Variants in NUDT2 observed in about 807,000 individuals in gnomAD.
The protein encoded by NUDT2 is bis(5'-nucleosyl)-tetraphosphatase [asymmetrical].
In NUDT2, 12 loss-of-function variants were observed where a neutral mutation model predicts 14.2. That is an observed-to-expected ratio of 0.84 (90% confidence interval 0.54 to 1.37). The LOEUF is 1.37. Among genes scored for constraint, NUDT2 ranks in the 40% most tolerant of loss-of-function variants. NUDT2 has a pLI of 0.00. For missense variants in NUDT2, 167 were observed against 176.7 expected (o/e 0.95, Z 0.31); for synonymous variants, 67 against 67.4 (o/e 0.99, Z 0.03).
intron 4 of NUDT2, among the ~76,000 whole-genome samples, chr9:34,342,030 G>T (rs528468153): frequency 0.012 from 1,773 of 152,302 alleles, 14 homozygotes; most frequent in Non-Finnish European, 0.018. Context: ...GAAGATTTGT[G>T]GGAGGGGACT....
intron 2 of NUDT2, among the ~76,000 whole-genome samples, chr9:34,338,156 T>TAAAAA (rs74180557): frequency 3.2e-5 from 1 of 31,042 alleles, no homozygotes; most frequent in Non-Finnish European, 5.5e-5. Context: ...CCCTGTTTCT[T>TAAAAA]AAAAAAAAAA....
At chr9:34,331,985 C>T (rs946360815) in intron 1 of NUDT2, among the ~76,000 whole-genome samples, 26 of 152,202 alleles carry the variant, frequency 1.7e-4, no homozygotes, top group Admixed American at 1.2e-3. Flanking sequence ...TTTCCTTTCT[C>T]ACAGCCTCTG....
In NUDT2 at chr9:34,333,691, C is replaced by T. The variant is rs555810776; in HGVS notation, c.-264-2538C>T. The stretch of plus-strand genomic sequence containing the variant: ...AAAAAAAGGACTGGGAATTTTGAAA[C>T]TGGAAATGATTTTATAAATCTTGTC... On this transcript the variant is annotated intron_variant, in intron 1 of 4. Coordinates refer to ENST00000379158, the MANE Select transcript of NUDT2 (RefSeq NM_001161.5). Among the ~76,000 whole-genome samples, 3 of 114,294 alleles carry T rather than the reference C, an allele frequency of 2.6e-5. No individual in the cohort carries two copies. In the East Asian group the frequency reaches 8.1e-4, roughly 31 times the overall value. The allele number at this position is 114,294 out of a possible 152,430, so 75.0% of individuals were successfully genotyped here. A position where few individuals can be genotyped will look rare whatever the true frequency, so the allele number is the denominator to read the frequency against.
intron 3 of NUDT2, 54 bp downstream of exon 3, chr9:34,338,901 T>A (rs1244554819): frequency 1.8e-5 from 14 of 780,254 alleles, no homozygotes; most frequent in Non-Finnish European, 2.8e-5. Flanking sequence ...GCTGCCTTTT[T>A]CTGTGGGCTA....
At chr9:34,343,033 C>G in intron 4 of NUDT2, 91 bp from the exon 5 acceptor site, 1 of 1,212,638 alleles carries the variant, frequency 8.2e-7, no homozygotes, top group Non-Finnish European at 1.2e-6. Flanking sequence ...CAAAGCAAAA[C>G]AGAAAAAAAA....
intron 4 of NUDT2, among the ~76,000 whole-genome samples, chr9:34,342,453 T>C (rs1820215574): frequency 6.6e-6 from 1 of 152,102 alleles, no homozygotes; most frequent in Non-Finnish European, 1.5e-5. Context: ...AGGTCTCCAA[T>C]AGAAAAGTGA....
intron 2 of NUDT2, among the ~76,000 whole-genome samples, chr9:34,338,323 T>C (rs1838146868): frequency 3.4e-5 from 1 of 29,344 alleles, no homozygotes; most frequent in African/African-American, 9.6e-5. Flanking sequence ...TGAGACCCTG[T>C]CTCTAAAAAA....
In NUDT2 at chr9:34,343,542, T is replaced by C. The variant is rs1820251513; in HGVS notation, c.*102T>C. 1.8e-6 allele frequency: 2 copies of C among 1,100,360 alleles called. No individual in the cohort carries two copies. The highest frequency in any genetic ancestry group is 1.8e-5 in the South Asian group (1 of 55,490). The allele number at this position is 1,100,360 out of a possible 1,614,324, so 68.2% of individuals were successfully genotyped here. A position where few individuals can be genotyped will look rare whatever the true frequency, so the allele number is the denominator to read the frequency against. The stretch of plus-strand genomic sequence containing the variant: ...GAAGGTTGTGCTGGTATTTGGCTCA[T>C]GACAGCCAAGAGCAGATTTGTGAAA... On this transcript the variant is annotated 3_prime_UTR_variant, in exon 5 of 5. Transcript: ENST00000379158.
intron 2 of NUDT2, among the ~76,000 whole-genome samples, chr9:34,338,035 G>A (rs1465843852): frequency 3.3e-5 from 5 of 151,054 alleles, no homozygotes; most frequent in African/African-American, 1.2e-4. Flanking sequence ...GTAGAGACAG[G>A]GTTTCACCAT....
intron 3 of NUDT2, 86 bp from the exon 4 acceptor site, chr9:34,338,938 T>C (rs1838166519): frequency 8.8e-7 from 1 of 1,139,446 alleles, no homozygotes; most frequent in Admixed American, 1.9e-5. Flanking sequence ...TAGTCTGCAT[T>C]ACTGTCCATC....
chr9:34,339,634 G>A (rs1838184488), intron 4 of NUDT2, among the ~76,000 whole-genome samples: 1 of 152,128 alleles, frequency 6.6e-6, no homozygotes, highest in Non-Finnish European at 1.5e-5. Flanking sequence ...CTTGAGCCCA[G>A]GAGCTCGAGA....
At chr9:34,341,560 A>C (rs1432544499) in intron 4 of NUDT2, among the ~76,000 whole-genome samples, 1 of 152,200 alleles carries the variant, frequency 6.6e-6, no homozygotes, top group East Asian at 1.9e-4. Context: ...CCCAAACTGG[A>C]GTACAATGGC....
rs1820255520 is a variant in NUDT2, at chr9:34,343,691, G to A, written c.*251G>A. On this transcript the variant is annotated 3_prime_UTR_variant, in exon 5 of 5. Transcript: ENST00000379158. ...CTTGTACTTTATAAATAAACCTCAA[G>A]CAGCTCAAGGTTGTCCTTCTAACCT... The A allele has an allele frequency of 2.4e-6, 1 of 410,150 alleles. No individual in the cohort carries two copies. The highest frequency in any genetic ancestry group is 4.1e-5 in the Admixed American group (1 of 24,656). 25.4% of individuals were successfully genotyped at this position (410,150 alleles called of 1,614,324 possible).
chr9:34,335,771 C>T (rs1838074064), intron 1 of NUDT2, among the ~76,000 whole-genome samples: 1 of 152,194 alleles, frequency 6.6e-6, no homozygotes, highest in Non-Finnish European at 1.5e-5. Context: ...TAGATGTGGT[C>T]ATCCCTAATA....
At position 34,337,808 on chromosome 9, in the gene NUDT2, T is replaced by C. The variant is rs114867413; in HGVS notation, c.-151-905T>C. 3.7e-3 allele frequency among the ~76,000 whole-genome samples: 568 copies of C among 152,222 alleles called. 3 individuals are homozygous for C. The highest frequency in any genetic ancestry group is 0.013 in the African/African-American group (553 of 41,534). ...GTCAGGCAATGGTGGCATGTGCCTG[T>C]ATTGCCAGCTGCTCAGGAGGCTAAG... On this transcript the variant is annotated intron_variant, in intron 2 of 4. Coordinates refer to ENST00000379158, the MANE Select transcript of NUDT2 (RefSeq NM_001161.5).
Position 34,339,058 on chromosome 9 carries a change from G to T in NUDT2, c.19G>T (p.Gly7Cys), listed in dbSNP as rs1366061346. Reference protein sequence around the residue: MALRACGLIIFRRCLIP... With the variant: MALRACCLIIFRRCLIP... The stretch of plus-strand genomic sequence containing the variant: ...TAAGACCATGGCCTTGAGAGCATGT[G>T]GCTTGATCATCTTCCGAAGATGCCT... Residue 7 changes from glycine (G) to cysteine (C), a missense_variant, in exon 4 of 5, where the codon GGC becomes TGC. Coordinates refer to ENST00000379158, the MANE Select transcript of NUDT2 (RefSeq NM_001161.5). The T allele has an allele frequency of 6.2e-7, 1 of 1,613,952 alleles. No individual in the cohort carries two copies. The highest frequency in any genetic ancestry group is 1.7e-5 in the Admixed American group (1 of 60,012).
chr9:34,336,825 C>T (rs933407134), intron 2 of NUDT2, among the ~76,000 whole-genome samples: 2 of 151,336 alleles, frequency 1.3e-5, no homozygotes, highest in Non-Finnish European at 2.9e-5. Flanking sequence ...ATTAAAGGCT[C>T]GAGCCACTGA....
chr9:34,333,611 C>A (rs1024153606), intron 1 of NUDT2, among the ~76,000 whole-genome samples: 1 of 138,318 alleles, frequency 7.2e-6, no homozygotes, highest in Non-Finnish European at 1.5e-5. Flanking sequence ...CATACCATTG[C>A]CCTCCAGTCT....
chr9:34,332,484 C>A (rs1428120520), intron 1 of NUDT2, among the ~76,000 whole-genome samples: 1 of 152,176 alleles, frequency 6.6e-6, no homozygotes, highest in Non-Finnish European at 1.5e-5. Context: ...ATCTGTCAAT[C>A]CTTCACACTG....
Sources: allele counts gnomAD v4.1 joint callset (sites outside exome capture counted in the v4.1 genomes callset), GRCh38; gene constraint gnomAD v4.1.1; transcripts MANE v1.5; gene names NCBI Gene and HGNC (gene_info 2026-07-23, HGNC 2026-07-21).